GEMIN8: variants seen among roughly 807,000 people sequenced by gnomAD.
GEMIN8 encodes the protein gem nuclear organelle associated protein 8.
For synonymous variants in GEMIN8, 80 were observed against 78.5 expected (o/e 1.02, Z -0.10); for missense variants, 185 against 205.9 (o/e 0.90, Z 0.62).
At chrX:14,014,337 C>T in intron 4 of GEMIN8, 1 of 751,906 alleles carries the variant, frequency 1.3e-6, no homozygotes, top group African/African-American at 2.3e-5. Flanking sequence ...AGGTACATGC[C>T]AGCAGAACTG....
chrX:13,996,933 C>CT, the GEMIN8 span, among the ~76,000 whole-genome samples: 18,591 of 66,858 alleles, frequency 0.28, 2,951 homozygotes, highest in South Asian at 0.4. Context: ...TGTGGCTTGT[C>CT]TTTTTTTTTT....
At chrX:13,985,732 C>G in the GEMIN8 span, among the ~76,000 whole-genome samples, 1 of 111,274 alleles carries the variant, frequency 9.0e-6, no homozygotes, top group Non-Finnish European at 1.9e-5. Flanking sequence ...CTGAAAAATG[C>G]TCATGAGGTA....
downstream of GEMIN8, among the ~76,000 whole-genome samples, chrX:14,002,775 TACAG>T (rs760557712): frequency 3.0e-3 from 331 of 112,038 alleles, no homozygotes; most frequent in Non-Finnish European, 5.2e-3. Context: ...GCGCTGGGAT[TACAG>T]GCATGAGCCA....
chrX:14,009,658 G>A (rs1211991666), intron 4 of GEMIN8, among the ~76,000 whole-genome samples: 1 of 112,140 alleles, frequency 8.9e-6, no homozygotes, highest in Non-Finnish European at 1.9e-5. Flanking sequence ...ACCCACCTGA[G>A]GTTCTCTCTT....
At chrX:14,000,641 C>G in the GEMIN8 span, among the ~76,000 whole-genome samples, 1 of 110,332 alleles carries the variant, frequency 9.1e-6, no homozygotes, top group Non-Finnish European at 1.9e-5. Context: ...GGGGTGAGTC[C>G]CACATCTTGG....
chrX:14,025,586 G>C (rs1329088315), intron 2 of GEMIN8, among the ~76,000 whole-genome samples: 1 of 111,788 alleles, frequency 8.9e-6, no homozygotes, highest in Non-Finnish European at 1.9e-5. Context: ...TTTGGAGAAA[G>C]ACTAGTGGAG....
intron 2 of GEMIN8, among the ~76,000 whole-genome samples, chrX:14,021,826 A>C: frequency 2.0e-5 from 1 of 49,757 alleles, no homozygotes; most frequent in South Asian, 8.6e-4. Context: ...ATATATATAT[A>C]TATATATATA....
At chrX:14,014,104 A>T (rs1029013905) in intron 4 of GEMIN8, 1 of 747,482 alleles carries the variant, frequency 1.3e-6, no homozygotes, top group African/African-American at 2.3e-5. Context: ...ATTATTCCAC[A>T]CATAGAGCCC....
chrX:14,020,015 GA>G (rs769521649), intron 4 of GEMIN8, 62 bp downstream of exon 4: 113 of 629,948 alleles, frequency 1.8e-4, no homozygotes, highest in African/African-American at 9.9e-4. Context: ...ATATATTAGA[GA>G]AAAAAAATGT....
At chrX:14,017,647 C>T (rs942640204) in intron 4 of GEMIN8, among the ~76,000 whole-genome samples, 12 of 112,170 alleles carry the variant, frequency 1.1e-4, no homozygotes, top group Non-Finnish European at 1.7e-4. Context: ...GGATCTGTTC[C>T]AGGCCTCTCC....
rs755169096 is a variant in GEMIN8, at chrX:14,009,662, C to T, written c.473-493G>A. Among the ~76,000 whole-genome samples, 8 of 112,299 alleles carry T rather than the reference C, an allele frequency of 7.1e-5. No homozygotes were observed. In the South Asian group the frequency reaches 3.0e-3, roughly 42 times the overall value. ...GAAAGAAATGAACCCACCTGAGGTTCTCTCTTTTCATCTGCACGGCCCACT... is the reference window on the plus strand; with the variant it reads ...GAAAGAAATGAACCCACCTGAGGTTTTCTCTTTTCATCTGCACGGCCCACT... On this transcript the variant is annotated intron_variant, in intron 4 of 4. Coordinates refer to ENST00000680255, the MANE Select transcript of GEMIN8 (RefSeq NM_001042479.2).
intron 1 of GEMIN8, chrX:14,026,424 C>T (rs16979387): frequency 1.5e-4 from 109 of 744,011 alleles, no homozygotes; most frequent in Non-Finnish European, 1.7e-4. Context: ...TAAACACTGA[C>T]GAGGCCTATA....
the GEMIN8 span, among the ~76,000 whole-genome samples, chrX:13,990,193 G>A: frequency 8.9e-6 from 1 of 112,725 alleles, no homozygotes; most frequent in Admixed American, 9.3e-5. Context: ...AATTTCTATT[G>A]GACAGCATTA....
At chrX:14,024,207 T>C (rs1924544185) in intron 2 of GEMIN8, among the ~76,000 whole-genome samples, 1 of 112,051 alleles carries the variant, frequency 8.9e-6, no homozygotes, top group African/African-American at 3.2e-5. Flanking sequence ...GGCTGTGATT[T>C]AGAGGGAGGG....
rs776928118 is a variant in GEMIN8, at chrX:14,029,129, G to C, written c.-116+648C>G. On this transcript the variant is annotated intron_variant, in intron 1 of 4. Transcript: ENST00000680255. Reference sequence around the variant, plus strand: ...AGATTTCAGAGCTAAAATGCACTTCGTTGGCCACTGGTTCAATTACAGCTC... The same window carrying C: ...AGATTTCAGAGCTAAAATGCACTTCCTTGGCCACTGGTTCAATTACAGCTC... Among the ~76,000 whole-genome samples the C allele has an allele frequency of 1.7e-4, 19 of 112,039 alleles. 1 individual carries two copies. In the East Asian group the frequency reaches 4.8e-3, roughly 28 times the overall value.
At chrX:13,997,616 C>T in the GEMIN8 span, among the ~76,000 whole-genome samples, 9 of 112,122 alleles carry the variant, frequency 8.0e-5, no homozygotes, top group African/African-American at 2.9e-4. Context: ...TCATAGAGGC[C>T]GGGTGCAGCG....
chrX:14,009,192 A>C, intron 4 of GEMIN8, 23 bp from the exon 5 acceptor site: 1 of 1,205,809 alleles, frequency 8.3e-7, no homozygotes, highest in Middle Eastern at 2.3e-4. Context: ...ACGAACGTGA[A>C]CATGAACATA....
chrX:13,987,971 T>C, the GEMIN8 span, among the ~76,000 whole-genome samples: 1 of 111,576 alleles, frequency 9.0e-6, no homozygotes, highest in African/African-American at 3.3e-5. Context: ...TATTTCACTT[T>C]CTTTCAAGAA....
intron 1 of GEMIN8, among the ~76,000 whole-genome samples, chrX:14,027,715 A>G (rs1302121965): frequency 8.9e-6 from 1 of 112,363 alleles, no homozygotes; most frequent in Non-Finnish European, 1.9e-5. Context: ...TTAATTTGTC[A>G]GCAAGTGTGA....
Sources: gnomAD v4.1 joint callset for allele counts (sites outside exome capture counted in the v4.1 genomes callset) on GRCh38, gnomAD v4.1.1 for gene constraint, MANE v1.5 for transcripts, NCBI Gene and HGNC (gene_info 2026-07-23, HGNC 2026-07-21) for gene names.